TNFRSF8: variants seen among roughly 807,000 people sequenced by gnomAD.
TNFRSF8 encodes the protein TNF receptor superfamily member 8, also known as tumor necrosis factor receptor superfamily member 8.
A neutral mutation model predicts 70.8 loss-of-function variants in TNFRSF8; 26 were observed. The observed-to-expected ratio is 0.37, with a 90% confidence interval of 0.27 to 0.51. The LOEUF is 0.51. Ranked by LOEUF, TNFRSF8 falls within the 20% of genes least tolerant of loss-of-function variation. TNFRSF8 has a pLI of 0.94. For synonymous variants in TNFRSF8, 356 were observed against 339.2 expected (o/e 1.05, Z -0.54); for missense variants, 720 against 807.9 (o/e 0.89, Z 1.32).
chr1:12,080,481 G>A lies in TNFRSF8; in HGVS notation c.64-3983G>A, dbSNP rs1641045255. 3 of 520,594 alleles carry A rather than the reference G, an allele frequency of 5.8e-6. No homozygotes were observed. In the Admixed American group the frequency reaches 5.8e-5, roughly 10 times the overall value. The allele number at this position is 520,594 out of a possible 1,614,324, so 32.2% of individuals were successfully genotyped here. On this transcript the variant is annotated intron_variant, in intron 1 of 14. Transcript: ENST00000263932. Reference sequence around the variant, plus strand: ...TTCATGGCAGACTCTGTGGTCAGTGGGAACTTGATAGCAGAGTGGTCGAGC... The same window carrying A: ...TTCATGGCAGACTCTGTGGTCAGTGAGAACTTGATAGCAGAGTGGTCGAGC...
At chr1:12,065,078 C>CTTTTTTTTTTTTTTTTT (rs773549918) in intron 1 of TNFRSF8, among the ~76,000 whole-genome samples, 1 of 88,262 alleles carries the variant, frequency 1.1e-5, no homozygotes, top group Non-Finnish European at 2.0e-5. Context: ...CATACCAAAC[C>CTTTTTTTTTTTTTTTTT]TTTTTTTTTT....
chr1:12,110,248 G>T lies in TNFRSF8; in HGVS notation c.676+44G>T. On this transcript the variant is annotated intron_variant, in intron 6 of 14. Coordinates refer to ENST00000263932, the MANE Select transcript of TNFRSF8 (RefSeq NM_001243.5). This position sits in a 1 kb window ranked among gnomAD's most constrained non-coding sequence, Gnocchi z 4.0. ...TGTGGGTCGTCTCCCTGGGGTGCTC[G>T]ATTGGTGGATGGCCCATGAGTGGGG... is the stretch of plus-strand genomic sequence containing the variant. 1.3e-6 allele frequency: 2 copies of T among 1,525,186 alleles called. No homozygotes were observed. The highest frequency in any genetic ancestry group is 8.8e-7 in the Non-Finnish European group (1 of 1,135,048). 94.5% of individuals were successfully genotyped at this position (1,525,186 alleles called of 1,614,324 possible). A position where few individuals can be genotyped will look rare whatever the true frequency, so the allele number is the denominator to read the frequency against.
At chr1:12,067,009 T>C (rs1640754018) in intron 1 of TNFRSF8, among the ~76,000 whole-genome samples, 1 of 152,214 alleles carries the variant, frequency 6.6e-6, no homozygotes. Context: ...ATTTTTCGCC[T>C]GGTATTCTGA....
At chr1:12,101,934 C>T (rs1267210522) in intron 3 of TNFRSF8, among the ~76,000 whole-genome samples, 1 of 152,194 alleles carries the variant, frequency 6.6e-6, no homozygotes, top group Non-Finnish European at 1.5e-5. Flanking sequence ...CTCGGCCTCC[C>T]AAAGTGCTGG....
intron 2 of TNFRSF8, 31 bp from the exon 3 acceptor site, chr1:12,097,070 T>C: frequency 6.3e-7 from 1 of 1,591,678 alleles, no homozygotes; most frequent in South Asian, 1.1e-5. Context: ...TAAGTCAGCC[T>C]GGCTTGGAGC....
chr1:12,114,143 T>A (rs1054057708), intron 7 of TNFRSF8, among the ~76,000 whole-genome samples: 8 of 152,138 alleles, frequency 5.3e-5, no homozygotes, highest in Non-Finnish European at 1.2e-4. Flanking sequence ...CGGGTTCAGA[T>A]CCCGCCTCTC....
At position 12,110,146 on chromosome 1, in the gene TNFRSF8, T is replaced by C; in HGVS notation, c.618T>C (p.Ser206=). The C allele has an allele frequency of 6.2e-7, 1 of 1,613,372 alleles. No homozygotes were observed. Among genetic ancestry groups the C allele is most frequent in the Non-Finnish European group, 8.5e-7 (1 of 1,179,682 alleles). The change falls in exon 6 of 15, where the codon TCT becomes TCC. Residue 206 remains serine, a synonymous_variant. Transcript: ENST00000263932. The surrounding 1 kb of genome is among the most constrained non-coding windows in gnomAD (Gnocchi z 4.0). ...GGTRLAQEAA[S]KLTRAPDSPS... is the part of the protein sequence containing the mutation. ...CCCGCCTCGCCCAGGAAGCTGCTTC[T>C]AAACTGACGAGGGCTCCCGACTCTC...
Position 12,138,131 on chromosome 1 carries a change from G to C in TNFRSF8, c.1336-98G>C. Reference sequence around the variant, plus strand: ...TTTAAAGCAGAAAGGGGGACTCACTGGGGTCTGTAGAGATGAAAAAAAAAA... The same window carrying C: ...TTTAAAGCAGAAAGGGGGACTCACTCGGGTCTGTAGAGATGAAAAAAAAAA... On this transcript the variant is annotated intron_variant, in intron 13 of 14. Coordinates refer to ENST00000263932, the MANE Select transcript of TNFRSF8 (RefSeq NM_001243.5). The surrounding 1 kb of genome is among the most constrained non-coding windows in gnomAD (Gnocchi z 5.7). 1 of 1,253,116 alleles carries C rather than the reference G, an allele frequency of 8.0e-7. No individual in the cohort carries two copies. The highest frequency in any genetic ancestry group is 1.5e-5 in the South Asian group (1 of 66,980). 77.6% of individuals were successfully genotyped at this position (1,253,116 alleles called of 1,614,324 possible). A position where few individuals can be genotyped will look rare whatever the true frequency, so the allele number is the denominator to read the frequency against.
chr1:12,104,665 C>A (rs1234328728), intron 4 of TNFRSF8, 134 bp downstream of exon 4: 1 of 1,153,318 alleles, frequency 8.7e-7, no homozygotes, highest in Non-Finnish European at 1.2e-6. Context: ...TCTCCTTTGG[C>A]GATGGGCCAG....
intron 8 of TNFRSF8, 83 bp from the exon 9 acceptor site, chr1:12,123,201 C>T: frequency 8.2e-7 from 1 of 1,220,438 alleles, no homozygotes; most frequent in Middle Eastern, 1.9e-4. Context: ...TCGCTGGAAG[C>T]CACCAGTCCC....
At chr1:12,115,828 C>T in intron 8 of TNFRSF8, 99 bp downstream of exon 8, 1 of 1,376,644 alleles carries the variant, frequency 7.3e-7, no homozygotes, top group Non-Finnish European at 1.0e-6. Flanking sequence ...GGCAAATGAC[C>T]TACACCCTCG....
At chr1:12,071,914 T>C (rs569303064) in intron 1 of TNFRSF8, among the ~76,000 whole-genome samples, 1 of 152,024 alleles carries the variant, frequency 6.6e-6, no homozygotes, top group Non-Finnish European at 1.5e-5. Flanking sequence ...CCAGGATGGT[T>C]TCGAACTCCT....
At chr1:12,090,998 G>A (rs1641239879) in intron 2 of TNFRSF8, among the ~76,000 whole-genome samples, 1 of 152,148 alleles carries the variant, frequency 6.6e-6, no homozygotes, top group African/African-American at 2.4e-5. Context: ...TTTATAAAAG[G>A]AAATTAGGAC....
chr1:12,075,198 T>C (rs185601406), intron 1 of TNFRSF8, among the ~76,000 whole-genome samples: 1,954 of 151,686 alleles, frequency 0.013, 39 homozygotes, highest in African/African-American at 0.044. Flanking sequence ...GAGCCGAGAT[T>C]GCACCACTAC....
At chr1:12,070,046 G>A (rs1640814940) in intron 1 of TNFRSF8, among the ~76,000 whole-genome samples, 1 of 152,122 alleles carries the variant, frequency 6.6e-6, no homozygotes, top group Admixed American at 6.5e-5. Context: ...GAAGGTGGCA[G>A]GAAAGGTGGT....
At chr1:12,083,779 T>C (rs936145051) in intron 1 of TNFRSF8, among the ~76,000 whole-genome samples, 1 of 152,268 alleles carries the variant, frequency 6.6e-6, no homozygotes, top group Non-Finnish European at 1.5e-5. Flanking sequence ...AATGAGCAAC[T>C]GTTATTTGCA....
chr1:12,104,324 C>G (rs1641478680), intron 3 of TNFRSF8, 55 bp from the exon 4 acceptor site: 2 of 1,603,866 alleles, frequency 1.2e-6, no homozygotes, highest in African/African-American at 1.3e-5. Flanking sequence ...CAAGAGCTAT[C>G]TGGAGAGACG....
chr1:12,134,580 C>T (rs966444635), intron 12 of TNFRSF8, among the ~76,000 whole-genome samples: 4 of 152,176 alleles, frequency 2.6e-5, no homozygotes, highest in African/African-American at 9.7e-5. Context: ...ATCAGCACCT[C>T]CTGAGCCTAC....
intron 3 of TNFRSF8, among the ~76,000 whole-genome samples, chr1:12,099,269 T>G (rs1049101452): frequency 6.6e-6 from 1 of 152,014 alleles, no homozygotes; most frequent in Admixed American, 6.6e-5. Flanking sequence ...TCCTGCCTCC[T>G]GAGTAGCTGA....
Sources: gnomAD v4.1 joint callset for allele counts (sites outside exome capture counted in the v4.1 genomes callset) on GRCh38, gnomAD v4.1.1 for gene constraint, Gnocchi (gnomAD v3.1) non-coding constraint, MANE v1.5 for transcripts, NCBI Gene and HGNC (gene_info 2026-07-23, HGNC 2026-07-21) for gene names.